The following NOL6 variants were observed in gnomAD, a reference collection of about 807,000 sequenced individuals.
NOL6 encodes the protein nucleolar RNA-associated protein.
A neutral mutation model predicts 131.7 loss-of-function variants in NOL6; 33 were observed. The observed-to-expected ratio is 0.25, with a 90% CI of 0.19 to 0.33. The LOEUF (loss-of-function observed/expected upper bound fraction) is 0.33, where lower values mean the gene tolerates loss of function less well. Ranked by LOEUF, NOL6 falls within the 10% of genes least tolerant of loss-of-function variation. The pLI is 1.00. For synonymous variants in NOL6, 580 were observed against 605.7 expected (o/e 0.96, Z 0.62); for missense variants, 1,297 against 1,494.5 (o/e 0.87, Z 2.18).
Position 33,468,381 on chromosome 9 carries a change from G to A in NOL6, c.1248C>T (p.Phe416=). ...GGTTGAGATGGCCTGAGGAATCCAG[G>A]AAGACAACGGAGAAGGCCTGGTGGA... is the stretch of plus-strand genomic sequence containing the variant. ...ADFHQAFSVV[F]LDSSGHLNLC... The change falls in exon 10 of 26, where the codon TTC becomes TTT. Residue 416 remains phenylalanine, a synonymous_variant. Coordinates refer to ENST00000297990, the MANE Select transcript of NOL6 (RefSeq NM_022917.5). 1.2e-6 allele frequency: 2 copies of A among 1,614,178 alleles called. No homozygotes were observed. The highest frequency in any genetic ancestry group is 1.7e-6 in the Non-Finnish European group (2 of 1,180,008).
chr9:33,472,525 T>C (rs1827441984), intron 1 of NOL6, 113 bp from the exon 2 acceptor site: 1 of 805,868 alleles, frequency 1.2e-6, no homozygotes, highest in Middle Eastern at 2.6e-4. Context: ...TGTCCCTCTT[T>C]TGAGTAGGAG....
At position 33,472,402 on chromosome 9, in the gene NOL6, G is replaced by T; in HGVS notation, c.65C>A (p.Pro22Gln). 1.9e-6 allele frequency: 3 copies of T among 1,613,760 alleles called. No individual in the cohort carries two copies. The highest frequency in any genetic ancestry group is 2.5e-6 in the Non-Finnish European group (3 of 1,179,886). The change falls in exon 2 of 26, where the codon CCA becomes CAA. Residue 22 changes from proline (P) to glutamine (Q), a missense_variant. Coordinates refer to ENST00000297990, the MANE Select transcript of NOL6 (RefSeq NM_022917.5). ...CTCTTTGCCTGTGCCTTCCAGGGCT[G>T]GTTCCATCACCTGTGGCCAGTGAGG... ...GATGEPEVMEPALEGTGKEGK... is the reference protein window; with the variant it reads ...GATGEPEVMEQALEGTGKEGK...
chr9:33,463,181 C>T lies in NOL6; in HGVS notation c.3190-47G>A, dbSNP rs368001694. ...AAGATTATAGGCAGGCATTTAAGAG[C>T]TCCTCCACAGCCTCAGCTTCACCTG... On this transcript the variant is annotated intron_variant, in intron 24 of 25. Transcript: ENST00000297990. The T allele has an allele frequency of 1.9e-6, 3 of 1,608,570 alleles. No homozygotes were observed. The African/African-American group carries it at 4.0e-5, about 22-fold the overall frequency.
rs776826186 is a variant in NOL6, at chr9:33,467,100, A to G, written c.1874+14T>C. ...GCCCACACTGCCTTCTGGAATCCAG[A>G]TGCCAACACTCACAGTGCCAAGAGG... On this transcript the variant is annotated intron_variant, in intron 14 of 25. Transcript: ENST00000297990. The surrounding 1 kb of genome is among the most constrained non-coding windows in gnomAD (Gnocchi z 4.4). The G allele has an allele frequency of 1.6e-5, 26 of 1,613,788 alleles. No homozygotes were observed. The African/African-American group carries it at 3.5e-4, about 22-fold the overall frequency.
chr9:33,472,290 T>C lies in NOL6; in HGVS notation c.177A>G (p.Glu59=), dbSNP rs1827434087. The change falls in exon 2 of 26, where the codon GAA becomes GAG. Residue 59 remains glutamate, a synonymous_variant. Transcript: ENST00000297990. ...CCTCATTGGTAGGCTCCTTGTACAG[T>C]TCTGCCCTGCTGAGCTTCACTGGCT... ...LLQPVKLSRA[E]LYKEPTNEEL... 1 of 1,614,236 alleles carries C rather than the reference T, an allele frequency of 6.2e-7. No homozygotes were observed. Among genetic ancestry groups the C allele is most frequent in the African/African-American group, 1.3e-5 (1 of 75,058 alleles).
At chr9:33,462,979 C>T (rs1827138867) in intron 25 of NOL6, 54 bp downstream of exon 25, 12 of 1,564,072 alleles carry the variant, frequency 7.7e-6, no homozygotes, top group Middle Eastern at 1.7e-4. Flanking sequence ...CATGCATGCC[C>T]ACACAGAACC....
At chr9:33,470,236 C>T in intron 3 of NOL6, 45 bp from the exon 4 acceptor site, 1 of 1,440,334 alleles carries the variant, frequency 6.9e-7, no homozygotes, top group Non-Finnish European at 9.3e-7. Flanking sequence ...AACTGCCTTC[C>T]TCACATGTAC....
rs1209893647 is a variant in NOL6 at position 33,472,005 on chromosome 9, T to G, written c.377A>C (p.Glu126Ala). 6.2e-7 allele frequency: 1 copy of G among 1,609,992 alleles called. No homozygotes were observed. The highest frequency in any genetic ancestry group is 8.5e-7 in the Non-Finnish European group (1 of 1,178,042). Residue 126 changes from glutamate (E) to alanine (A), a missense_variant and splice_region_variant, in exon 3 of 26, where the codon GAG (glutamate) becomes GCG (alanine). By Grantham distance (107) the Glu-to-Ala change is moderately radical (BLOSUM62 -1). Coordinates refer to ENST00000297990, the MANE Select transcript of NOL6 (RefSeq NM_022917.5). The stretch of plus-strand genomic sequence containing the variant: ...CAGTTCCCCAGGCCACTTGCTTACC[T>G]CTGTCTCAGGGACTGAGGGCACCCT... ...VVRVPSVPETELTDQAWLPAG... is the reference protein window; with the variant it reads ...VVRVPSVPETALTDQAWLPAG...
At position 33,463,420 on chromosome 9, in the gene NOL6, C is replaced by T. The variant is rs2119006312; in HGVS notation, c.3016G>A (p.Asp1006Asn). ...AGGCGAATCAGCACGTCGTAAATGT[C>T]CAAGGGCGGCCGGAACACTGTCTAA... ...DIRTVFRPPL[D>N]IYDVLIRLSP... The change falls in exon 24 of 26, where the codon GAC becomes AAC. Residue 1006 changes from aspartate to asparagine, a missense_variant. Asp to Asn is a conservative substitution (Grantham distance 23). Coordinates refer to ENST00000297990, the MANE Select transcript of NOL6 (RefSeq NM_022917.5). 1.2e-6 allele frequency: 2 copies of T among 1,612,608 alleles called. No homozygotes were observed. The highest frequency in any genetic ancestry group is 1.1e-5 in the South Asian group (1 of 90,988).
In NOL6 at chr9:33,468,565, G is replaced by A. The variant is rs1453858845; in HGVS notation, c.1149C>T (p.Ala383=). The stretch of plus-strand genomic sequence containing the variant: ...TCCCGTTGACTGTCAGGTCTGTAGT[G>A]GCTGAAGTGAATCACAAGTGTATTA... ...QVLRSVLQFL[A]TTDLTVNGIS... Residue 383 remains alanine, a splice_region_variant and synonymous_variant, in exon 9 of 26, where the codon GCC becomes GCT. Transcript: ENST00000297990. The A allele has an allele frequency of 1.2e-6, 2 of 1,614,096 alleles. No homozygotes were observed. Among genetic ancestry groups the A allele is most frequent in the African/African-American group, 1.3e-5 (1 of 75,028 alleles).
Position 33,471,941 on chromosome 9 carries a change from G to A in NOL6, c.378+63C>T, listed in dbSNP as rs937730294. On this transcript the variant is annotated intron_variant, in intron 3 of 25. Transcript: ENST00000297990. ...TAAACAGAGTAACAGCAAGGCCCCT[G>A]TTTGATATACCCCCACTGGAGGTCT... 5.2e-6 allele frequency: 6 copies of A among 1,164,612 alleles called. No homozygotes were observed. The African/African-American group carries it at 7.5e-5, about 15-fold the overall frequency. The allele number at this position is 1,164,612 out of a possible 1,614,324, so 72.1% of individuals were successfully genotyped here.
rs748743472 is a variant in NOL6, at chr9:33,469,007, T to C, written c.977A>G (p.Asp326Gly). Residue 326 changes from aspartate (D) to glycine (G), a missense_variant, in exon 7 of 26, where the codon GAT becomes GGT. By Grantham distance (94) the Asp-to-Gly change is moderately conservative. Coordinates refer to ENST00000297990, the MANE Select transcript of NOL6 (RefSeq NM_022917.5). ...CCAGACCTTCAGAAGTGCCACGCCATCCTTCAGGCCCTGGGCTGAACTCAG... is the reference window on the plus strand; with the variant it reads ...CCAGACCTTCAGAAGTGCCACGCCACCCTTCAGGCCCTGGGCTGAACTCAG... ...TILSSAQGLK[D>G]GVALLKVWLR... 1.2e-6 allele frequency: 2 copies of C among 1,614,160 alleles called. No homozygotes were observed. Among genetic ancestry groups the C allele is most frequent in the South Asian group, 1.1e-5 (1 of 91,078 alleles).
At chr9:33,471,929 A>G in intron 3 of NOL6, 75 bp downstream of exon 3, 1 of 1,047,084 alleles carries the variant, frequency 9.6e-7, no homozygotes. Context: ...ACAGAGTAAC[A>G]GCAAGGCCCC....
In NOL6 at chr9:33,472,073, A is replaced by G; in HGVS notation, c.309T>C (p.Asp103=). Residue 103 remains aspartate (D), a synonymous_variant, in exon 3 of 26, where the codon GAT becomes GAC. Coordinates refer to ENST00000297990, the MANE Select transcript of NOL6 (RefSeq NM_022917.5). The stretch of plus-strand genomic sequence containing the variant: ...CCTCCCGTAGGAAGGCATCAATCCG[A>G]TCCTTCTTCTTCTCTGACAGCCTTA... ...KEVRLSEKKK[D]RIDAFLREVN... 4.3e-6 allele frequency: 7 copies of G among 1,613,988 alleles called. No individual in the cohort carries two copies. The highest frequency in any genetic ancestry group is 5.9e-6 in the Non-Finnish European group (7 of 1,180,020).
Position 33,464,116 on chromosome 9 carries a change from G to C in NOL6, c.2825C>G (p.Ala942Gly), listed in dbSNP as rs1827176098. 1.2e-6 allele frequency: 2 copies of C among 1,612,754 alleles called. No homozygotes were observed. Among genetic ancestry groups the C allele is most frequent in the African/African-American group, 2.7e-5 (2 of 74,742 alleles). The part of the protein sequence containing the change: ...EIRSGFLAAR[A>G]QLPVMVIVTP... ...AACAATGACCATGACGGGGAGCTGT[G>C]CCCGAGCTGCCAGGAAGCCACTGCG... The change falls in exon 22 of 26, where the codon GCA (alanine) becomes GGA (glycine). Residue 942 changes from alanine to glycine, a missense_variant. Coordinates refer to ENST00000297990, the MANE Select transcript of NOL6 (RefSeq NM_022917.5).
In NOL6 at chr9:33,473,884, G is replaced by C. The variant is rs757234259; in HGVS notation, c.-42C>G. 3 of 1,607,016 alleles carry C rather than the reference G, an allele frequency of 1.9e-6. No homozygotes were observed. Among genetic ancestry groups the C allele is most frequent in the Middle Eastern group, 1.7e-4 (1 of 6,054 alleles). ...CTCTCCCGCACTTCAGATTCTAGCC[G>C]GGTCTATACCTCATAGCTTCCCACG... On this transcript the variant is annotated 5_prime_UTR_variant, in exon 1 of 26. Coordinates refer to ENST00000297990, the MANE Select transcript of NOL6 (RefSeq NM_022917.5).
At position 33,465,808 on chromosome 9, in the gene NOL6, C is replaced by T. The variant is rs753741911; in HGVS notation, c.2454G>A (p.Leu818=). ...GGCGGAGGGAGGCAGCTGTGTCCCT[C>T]AGCGAGATCATCCCCTCTGGGCTCT... ...EVQSPEGMIS[L]RDTAASLRLE... is the part of the protein sequence containing the mutation. The change falls in exon 19 of 26, where the codon CTG becomes CTA. Residue 818 remains leucine, a synonymous_variant. Coordinates refer to ENST00000297990, the MANE Select transcript of NOL6 (RefSeq NM_022917.5). 4 of 1,613,944 alleles carry T rather than the reference C, an allele frequency of 2.5e-6. No individual in the cohort carries two copies. The East Asian group carries it at 8.9e-5, about 36-fold the overall frequency.
At position 33,470,259 on chromosome 9, in the gene NOL6, G is replaced by A. The variant is rs1238275704; in HGVS notation, c.379-68C>T. On this transcript the variant is annotated intron_variant, in intron 3 of 25. Transcript: ENST00000297990. Reference sequence around the variant, plus strand: ...TCCTCACATGTACCCTTTATGTCTAGAAGACATTTTAACACATCGATATGT... The same window carrying A: ...TCCTCACATGTACCCTTTATGTCTAAAAGACATTTTAACACATCGATATGT... The A allele has an allele frequency of 2.6e-5, 34 of 1,323,790 alleles. No individual in the cohort carries two copies. In the Admixed American group the frequency reaches 1.0e-3, roughly 40 times the overall value. 82.0% of individuals were successfully genotyped at this position (1,323,790 alleles called of 1,614,324 possible).
Position 33,461,830 on chromosome 9 carries a change from A to G in NOL6, c.*834T>C, listed in dbSNP as rs1827101738. ...GGTGTAGACCAGACTGAAAGGAGGCAGCATTCTCCTCCTTGGGCCCTGGGA... is the reference window on the plus strand; with the variant it reads ...GGTGTAGACCAGACTGAAAGGAGGCGGCATTCTCCTCCTTGGGCCCTGGGA... On this transcript the variant is annotated 3_prime_UTR_variant, in exon 26 of 26. Coordinates refer to ENST00000297990, the MANE Select transcript of NOL6 (RefSeq NM_022917.5). The G allele has an allele frequency of 3.8e-6, 1 of 266,516 alleles. No homozygotes were observed. The allele number at this position is 266,516 out of a possible 1,614,324, so 16.5% of individuals were successfully genotyped here.
Sources: allele counts gnomAD v4.1 joint callset, GRCh38; gene constraint gnomAD v4.1.1; non-coding constraint Gnocchi (gnomAD v3.1); transcripts MANE v1.5; gene names NCBI Gene and HGNC (gene_info 2026-07-23, HGNC 2026-07-21).